USP54: variants seen among roughly 807,000 people sequenced by gnomAD.
USP54 encodes the protein ubiquitin specific peptidase 54.
In USP54, 87 loss-of-function variants were observed where a neutral mutation model predicts 170.5. The observed-to-expected ratio is 0.51, with a 90% CI of 0.43 to 0.61. USP54 has a LOEUF of 0.61. USP54 is among the 20% of genes least tolerant of loss of function. USP54 has a pLI of 0.00. For synonymous variants in USP54, 655 were observed against 742.8 expected, an observed-to-expected ratio of 0.88 and a Z score of 1.92; for missense variants, 1,786 against 2,047.8, an observed-to-expected ratio of 0.87 and a Z score of 2.47.
chr10:73,559,177 T>C (rs1383434704), intron 4 of USP54, among the ~76,000 whole-genome samples: 1 of 152,100 alleles, frequency 6.6e-6, no homozygotes, highest in Admixed American at 6.6e-5. Flanking sequence ...TCCCAGCACC[T>C]TGGGAGGCCA....
At chr10:73,560,568 G>A (rs903542690) in intron 4 of USP54, among the ~76,000 whole-genome samples, 3 of 149,310 alleles carry the variant, frequency 2.0e-5, no homozygotes, top group Non-Finnish European at 4.4e-5. Flanking sequence ...GGAGGCTGAG[G>A]CAGGAGAATG....
intron 23 of USP54, chr10:73,499,509 G>A (rs751124937): frequency 5.9e-5 from 14 of 236,888 alleles, no homozygotes; most frequent in Non-Finnish European, 1.1e-4. Flanking sequence ...GCAATATATG[G>A]CAAACGTATA....
chr10:73,558,625 T>G (rs1017532128), intron 4 of USP54, among the ~76,000 whole-genome samples: 1 of 152,218 alleles, frequency 6.6e-6, no homozygotes, highest in Non-Finnish European at 1.5e-5. Context: ...CTGATTCATC[T>G]AGAAACATGT....
At position 73,521,036 on chromosome 10, in the gene USP54, G is replaced by T. The variant is rs771483304; in HGVS notation, c.2363-9C>A. On this transcript the variant is annotated splice_polypyrimidine_tract_variant and intron_variant, in intron 17 of 23. Transcript: ENST00000687698. ...AAAGCCGTCACTCCTCCCTGAAAGG[G>T]CCAGCACTTTTCATTTTCATTACAA... is the stretch of plus-strand genomic sequence containing the variant. 1.1e-5 allele frequency: 18 copies of T among 1,613,234 alleles called. No homozygotes were observed. Among genetic ancestry groups the T allele is most frequent in the Non-Finnish European group, 1.3e-5 (15 of 1,180,018 alleles).
At chr10:73,550,399 A>G (rs1175388524) in intron 4 of USP54, among the ~76,000 whole-genome samples, 1 of 152,160 alleles carries the variant, frequency 6.6e-6, no homozygotes, top group Non-Finnish European at 1.5e-5. Flanking sequence ...TCTCTATAAT[A>G]GAGTACTTCC....
chr10:73,618,892 C>T lies in USP54; in HGVS notation c.-18+6675G>A, dbSNP rs1312086064. On this transcript the variant is annotated intron_variant, in intron 1 of 22. Transcript: ENST00000339859. ...TGCCACTGCACTCTAGCCTGGGCAA[C>T]AGAGCGAGACTCCATCTCAAAAAAA... 1.3e-5 allele frequency among the ~76,000 whole-genome samples: 2 copies of T among 149,970 alleles called. 1 individual carries two copies. The highest frequency in any genetic ancestry group is 5.1e-5 in the African/African-American group (2 of 39,442).
At chr10:73,585,635 T>A (rs1261121126) in intron 1 of USP54, among the ~76,000 whole-genome samples, 1 of 152,256 alleles carries the variant, frequency 6.6e-6, no homozygotes, top group Non-Finnish European at 1.5e-5. Flanking sequence ...GCATTAGATT[T>A]GAGGGAACAA....
chr10:73,544,134 C>T (rs12245973), intron 5 of USP54, among the ~76,000 whole-genome samples: 1,961 of 151,924 alleles, frequency 0.013, 43 homozygotes, highest in African/African-American at 0.044. Context: ...ATAGAGACGG[C>T]GTTTCACCAC....
At chr10:73,562,403 CCTT>C (rs2073279675) in intron 4 of USP54, among the ~76,000 whole-genome samples, 1 of 152,198 alleles carries the variant, frequency 6.6e-6, no homozygotes. Context: ...CTACCCTCCA[CCTT>C]CTACAGAACA....
intron 12 of USP54, among the ~76,000 whole-genome samples, chr10:73,532,509 A>G (rs2064236224): frequency 1.3e-5 from 2 of 152,190 alleles, no homozygotes; most frequent in Admixed American, 1.3e-4. Flanking sequence ...ACCAATGGGC[A>G]TGTTCAAACC....
intron 1 of USP54, among the ~76,000 whole-genome samples, chr10:73,618,169 C>T (rs1205738114): frequency 6.7e-6 from 1 of 149,604 alleles, no homozygotes; most frequent in African/African-American, 2.5e-5. Context: ...CGAGATTGCG[C>T]CACTGCACTC....
At chr10:73,623,131 G>A (rs1313649558) in intron 1 of USP54, among the ~76,000 whole-genome samples, 1 of 150,392 alleles carries the variant, frequency 6.6e-6, no homozygotes, top group South Asian at 2.1e-4. Flanking sequence ...TAATCCCAGC[G>A]CTTTGGGAAG....
At chr10:73,571,610 G>T (rs1177419013) in intron 3 of USP54, 97 bp from the exon 4 acceptor site, 1 of 877,714 alleles carries the variant, frequency 1.1e-6, no homozygotes, top group East Asian at 2.7e-5. Context: ...GACTGCAGAA[G>T]ATGTCTTTAT....
chr10:73,595,219 C>A (rs576412393), upstream of USP54, among the ~76,000 whole-genome samples: 3 of 151,996 alleles, frequency 2.0e-5, no homozygotes, highest in African/African-American at 7.2e-5. Flanking sequence ...AGCCACCAAG[C>A]CCCACTGGTG....
At chr10:73,553,144 G>A (rs1000543458) in intron 4 of USP54, 3 of 152,172 alleles carry the variant, frequency 2.0e-5, no homozygotes, top group African/African-American at 4.8e-5. Context: ...CACCCAGAGT[G>A]GGTCTGTAAC....
At chr10:73,532,124 T>C (rs1453362810) in intron 12 of USP54, among the ~76,000 whole-genome samples, 6 of 152,226 alleles carry the variant, frequency 3.9e-5, no homozygotes, top group Non-Finnish European at 8.8e-5. Context: ...TTGCTACCTC[T>C]GTGCCCACAA....
At chr10:73,615,890 C>G (rs1420405289) in intron 1 of USP54, among the ~76,000 whole-genome samples, 1 of 119,456 alleles carries the variant, frequency 8.4e-6, no homozygotes, top group Non-Finnish European at 1.6e-5. Context: ...GCCTGGGCAA[C>G]GAAGAGATCA....
At position 73,565,922 on chromosome 10, in the gene USP54, T is replaced by C. The variant is rs1336183373; in HGVS notation, c.240+5499A>G. ...ATCTGGTAGAAGAGATCACCAACAG[T>C]GATTTATTTACACAAAGAAATACCA... is the stretch of plus-strand genomic sequence containing the variant. On this transcript the variant is annotated intron_variant, in intron 4 of 23. Coordinates refer to ENST00000687698, the MANE Select transcript of USP54 (RefSeq NM_001391956.1). Among the ~76,000 whole-genome samples the C allele has an allele frequency of 2.6e-5, 4 of 152,122 alleles. No homozygotes were observed. The East Asian group carries it at 7.7e-4, about 29-fold the overall frequency.
chr10:73,574,493 A>G (rs1313501505), intron 3 of USP54, among the ~76,000 whole-genome samples: 1 of 152,172 alleles, frequency 6.6e-6, no homozygotes, highest in Non-Finnish European at 1.5e-5. Context: ...TCCCGAAAGG[A>G]GAAACAGAAA....
Sources: gnomAD v4.1 joint callset for allele counts (sites outside exome capture counted in the v4.1 genomes callset) on GRCh38, gnomAD v4.1.1 for gene constraint, MANE v1.5 for transcripts, NCBI Gene and HGNC (gene_info 2026-07-23, HGNC 2026-07-21) for gene names.